The following RIMS1 variants were observed in gnomAD, a reference collection of about 807,000 sequenced individuals.
The protein encoded by RIMS1 is regulating synaptic membrane exocytosis 1.
RIMS1 carries 83 observed loss-of-function variants against 214.1 expected under a neutral mutation model. That is an observed-to-expected ratio of 0.39 (90% confidence interval 0.32 to 0.47). The LOEUF is 0.47. Among genes scored for constraint, RIMS1 ranks in the 20% least tolerant of loss-of-function variants. The pLI, the probability that RIMS1 is intolerant of heterozygous loss-of-function variation, is 0.99. For missense variants in RIMS1, 2,050 were observed against 2,161.8 expected, an observed-to-expected ratio of 0.95 and a Z score of 1.03; for synonymous variants, 793 against 786.8, an observed-to-expected ratio of 1.01 and a Z score of -0.13.
chr6:72,166,907 A>G (rs2046346383), intron 4 of RIMS1, among the ~76,000 whole-genome samples: 1 of 151,824 alleles, frequency 6.6e-6, no homozygotes, highest in Admixed American at 6.6e-5. Flanking sequence ...TTTCCCTTTT[A>G]ATCTTTATTT....
intron 4 of RIMS1, among the ~76,000 whole-genome samples, chr6:72,116,265 C>CT (rs778302778): frequency 2.6e-5 from 4 of 151,840 alleles, no homozygotes; most frequent in Non-Finnish European, 5.9e-5. Flanking sequence ...CCATGGTGAG[C>CT]TTTATTAGGT....
chr6:72,359,646 C>G (rs972068697), intron 29 of RIMS1, among the ~76,000 whole-genome samples: 3 of 152,022 alleles, frequency 2.0e-5, no homozygotes, highest in Non-Finnish European at 4.4e-5. Context: ...GTCCCTAGTA[C>G]AAGAAAATTA....
intron 4 of RIMS1, among the ~76,000 whole-genome samples, chr6:72,172,012 T>C (rs2047098716): frequency 6.6e-6 from 1 of 152,008 alleles, no homozygotes; most frequent in Non-Finnish European, 1.5e-5. Context: ...ACCATCTTTA[T>C]GATAACAGAA....
At chr6:71,936,113 A>G (rs2348795) in intron 1 of RIMS1, among the ~76,000 whole-genome samples, 88,366 of 151,352 alleles carry the variant, frequency 0.58, 26,783 homozygotes, top group East Asian at 0.83. Context: ...CACTTTGGGA[A>G]GCCGAGGCGG....
chr6:72,180,739 G>C (rs984642364), intron 5 of RIMS1, among the ~76,000 whole-genome samples: 2 of 152,222 alleles, frequency 1.3e-5, no homozygotes, highest in African/African-American at 4.8e-5. Flanking sequence ...TTAGCACCTA[G>C]ACTGGGCTTA....
At chr6:72,222,370 T>C (rs1589507033) in intron 6 of RIMS1, among the ~76,000 whole-genome samples, 2 of 152,108 alleles carry the variant, frequency 1.3e-5, no homozygotes, top group South Asian at 4.1e-4. Context: ...GGGAGTATTA[T>C]GCAAAGAGCA....
chr6:71,907,343 C>T (rs994557835), intron 1 of RIMS1, among the ~76,000 whole-genome samples: 5 of 152,076 alleles, frequency 3.3e-5, no homozygotes, highest in African/African-American at 1.2e-4. Flanking sequence ...GGAGGAATAC[C>T]TCCAACTAGG....
chr6:72,019,220 A>T (rs1319340096), intron 2 of RIMS1, among the ~76,000 whole-genome samples: 1 of 152,204 alleles, frequency 6.6e-6, no homozygotes, highest in African/African-American at 2.4e-5. Flanking sequence ...GTGTTTGTAC[A>T]TGTATACACG....
chr6:72,274,566 C>A, intron 23 of RIMS1, 134 bp downstream of exon 23: 2 of 673,932 alleles, frequency 3.0e-6, no homozygotes, highest in South Asian at 1.7e-5. Context: ...TTAGATGTAG[C>A]CAACTCTGGT....
chr6:72,047,428 A>G (rs1221875291), intron 2 of RIMS1, among the ~76,000 whole-genome samples: 1 of 152,182 alleles, frequency 6.6e-6, no homozygotes, highest in Admixed American at 6.6e-5. Context: ...CACATTAGAC[A>G]TTGCTGAGCT....
intron 29 of RIMS1, among the ~76,000 whole-genome samples, chr6:72,341,556 A>G (rs1256393611): frequency 1.3e-5 from 2 of 151,810 alleles, no homozygotes; most frequent in African/African-American, 4.8e-5. Flanking sequence ...TTTAACTTGT[A>G]CTATTGGGTA....
chr6:72,370,074 A>T (rs1169899152), intron 29 of RIMS1, among the ~76,000 whole-genome samples: 1 of 152,242 alleles, frequency 6.6e-6, no homozygotes, highest in African/African-American at 2.4e-5. Context: ...CTAAAATAGC[A>T]CATAGTCATA....
intron 4 of RIMS1, among the ~76,000 whole-genome samples, chr6:72,133,953 C>T (rs2040865955): frequency 6.6e-6 from 1 of 152,154 alleles, no homozygotes; most frequent in African/African-American, 2.4e-5. Flanking sequence ...GATTTCAACT[C>T]TCAATGCCTC....
intron 2 of RIMS1, among the ~76,000 whole-genome samples, chr6:72,053,275 A>G (rs1180567017): frequency 6.6e-6 from 1 of 152,182 alleles, no homozygotes; most frequent in East Asian, 1.9e-4. Flanking sequence ...AAATGTTTAC[A>G]CCATAGTCTC....
At position 72,383,768 on chromosome 6, in the gene RIMS1, G is replaced by A. The variant is rs187868643; in HGVS notation, c.4367-6830G>A. On this transcript the variant is annotated intron_variant, in intron 29 of 33. Transcript: ENST00000521978. ...TCACACCACTGCACTCCAGCCTAGT[G>A]ATGGCATAATCATAGCTTACTGTGA... 1.1e-4 allele frequency among the ~76,000 whole-genome samples: 17 copies of A among 152,060 alleles called. No homozygotes were observed. The East Asian group carries it at 3.3e-3, about 29-fold the overall frequency.
chr6:72,271,286 A>AAAAAAT (rs1417580438), intron 22 of RIMS1, among the ~76,000 whole-genome samples: 24 of 44,394 alleles, frequency 5.4e-4, no homozygotes, highest in African/African-American at 2.5e-3. Context: ...AAAAAAAAAA[A>AAAAAAT]ATATATATAT....
chr6:72,133,480 C>T (rs537320043), intron 4 of RIMS1, among the ~76,000 whole-genome samples: 1 of 152,316 alleles, frequency 6.6e-6, no homozygotes, highest in South Asian at 2.1e-4. Flanking sequence ...CTGGATCTGA[C>T]ATGCACAGTG....
chr6:72,148,627 C>T (rs1475457104), intron 4 of RIMS1: 1 of 456,772 alleles, frequency 2.2e-6, no homozygotes, highest in Non-Finnish European at 4.4e-6. Flanking sequence ...AAGTGGGGAG[C>T]CCAGTCAGCA....
intron 19 of RIMS1, chr6:72,260,972 C>T: frequency 7.4e-7 from 1 of 1,348,202 alleles, no homozygotes. Context: ...GCTTTGCCAT[C>T]TGTAGATTCA....
Sources: allele counts gnomAD v4.1 joint callset (sites outside exome capture counted in the v4.1 genomes callset), GRCh38; gene constraint gnomAD v4.1.1; transcripts MANE v1.5; gene names NCBI Gene and HGNC (gene_info 2026-07-23, HGNC 2026-07-21).